Variants in DYNC2LI1 observed in about 807,000 individuals in gnomAD.
DYNC2LI1 encodes dynein cytoplasmic 2 light intermediate chain 1, also known as cytoplasmic dynein 2 light intermediate chain 1.
Under a neutral mutation model 51.9 loss-of-function variants are expected in DYNC2LI1, and 45 were observed. That is an observed-to-expected ratio of 0.87 (90% CI 0.68 to 1.11). The LOEUF is 1.11. Ranked by LOEUF, DYNC2LI1 falls within the 50% of genes most tolerant of loss-of-function variation. The probability of loss-of-function intolerance (pLI) is 0.00; values close to 1 mark genes in which losing one functional copy is unlikely to be tolerated. For synonymous variants in DYNC2LI1, 130 were observed against 137.8 expected, an observed-to-expected ratio of 0.94 and a Z score of 0.40; for missense variants, 490 against 417.4, an observed-to-expected ratio of 1.17 and a Z score of -1.51.
At chr2:43,798,787 G>T (rs539875040) in intron 8 of DYNC2LI1, among the ~76,000 whole-genome samples, 2 of 152,192 alleles carry the variant, frequency 1.3e-5, no homozygotes, top group African/African-American at 4.8e-5. Context: ...GAACCATAAG[G>T]CCTTTCAGGA....
chr2:43,804,826 C>G, intron 11 of DYNC2LI1, 87 bp downstream of exon 11: 1 of 778,808 alleles, frequency 1.3e-6, no homozygotes, highest in Non-Finnish European at 2.0e-6. Flanking sequence ...ATTATGATAA[C>G]TTTGTTTTCA....
chr2:43,813,122 G>A (rs1184078765), downstream of DYNC2LI1: 3 of 1,202,788 alleles, frequency 2.5e-6, no homozygotes, highest in Admixed American at 3.4e-5. Context: ...TTCACTACCT[G>A]CTAATGAGAT....
chr2:43,818,709 G>A, the DYNC2LI1 span, among the ~76,000 whole-genome samples: 9 of 152,124 alleles, frequency 5.9e-5, no homozygotes, highest in Non-Finnish European at 4.4e-5. Context: ...CAATATCATG[G>A]TCTTCGTGTG....
chr2:43,775,103 A>G (rs1445690964), intron 1 of DYNC2LI1, among the ~76,000 whole-genome samples: 1 of 152,250 alleles, frequency 6.6e-6, no homozygotes, highest in Non-Finnish European at 1.5e-5. Context: ...AACTACATAT[A>G]TATTTTAACA....
intron 2 of DYNC2LI1, among the ~76,000 whole-genome samples, chr2:43,780,553 G>C (rs1673229315): frequency 6.6e-6 from 1 of 152,178 alleles, no homozygotes; most frequent in African/African-American, 2.4e-5. Context: ...AGAATAAATA[G>C]CTTCGTTTAA....
At chr2:43,821,208 G>A in the DYNC2LI1 span, among the ~76,000 whole-genome samples, 1 of 152,084 alleles carries the variant, frequency 6.6e-6, no homozygotes, top group Non-Finnish European at 1.5e-5. Context: ...TATCAATGCC[G>A]TTCCTCATTG....
At chr2:43,813,416 C>T (rs1367876610), downstream of DYNC2LI1, 2 of 795,640 alleles carry the variant, frequency 2.5e-6, no homozygotes, top group Non-Finnish European at 4.3e-6. Context: ...AAATACAGGA[C>T]ACTTTAGCAA....
intron 10 of DYNC2LI1, among the ~76,000 whole-genome samples, chr2:43,803,520 A>G (rs1666140975): frequency 6.6e-6 from 1 of 152,184 alleles, no homozygotes; most frequent in East Asian, 1.9e-4. Flanking sequence ...CAGGGATAGA[A>G]CTATGGATGG....
At chr2:43,802,688 C>G (rs1387673576) in intron 10 of DYNC2LI1, among the ~76,000 whole-genome samples, 1 of 152,030 alleles carries the variant, frequency 6.6e-6, no homozygotes, top group Non-Finnish European at 1.5e-5. Context: ...GCGCCTAGAT[C>G]TCATCGGAAT....
chr2:43,783,464 A>G, intron 2 of DYNC2LI1, 56 bp from the exon 3 acceptor site: 1 of 1,303,348 alleles, frequency 7.7e-7, no homozygotes, highest in Non-Finnish European at 1.1e-6. Flanking sequence ...GAACAATAAT[A>G]CAATTTTTAC....
the DYNC2LI1 span, chr2:43,824,827 G>T: frequency 6.3e-7 from 1 of 1,596,634 alleles, no homozygotes; most frequent in African/African-American, 1.3e-5. Flanking sequence ...CATCCAGGCA[G>T]AAGTCTGAGA....
chr2:43,826,861 T>C, the DYNC2LI1 span, among the ~76,000 whole-genome samples: 1 of 152,164 alleles, frequency 6.6e-6, no homozygotes, highest in Non-Finnish European at 1.5e-5. Flanking sequence ...AAAACAAGAC[T>C]GAGAGAAGGC....
chr2:43,806,920 G>A (rs2104721056), intron 12 of DYNC2LI1, among the ~76,000 whole-genome samples: 1 of 152,112 alleles, frequency 6.6e-6, no homozygotes, highest in South Asian at 2.1e-4. Flanking sequence ...TACCTGAAAA[G>A]TTATGCTGTC....
intron 2 of DYNC2LI1, among the ~76,000 whole-genome samples, chr2:43,782,275 A>G (rs1223798989): frequency 6.6e-6 from 1 of 152,114 alleles, no homozygotes; most frequent in Non-Finnish European, 1.5e-5. Context: ...ATACATTTTT[A>G]TATTGTACAA....
Position 43,796,815 on chromosome 2 carries a change from T to C in DYNC2LI1, c.654+20T>C, listed in dbSNP as rs536936160. ...TTAATGGTTTGTACATTTCTTGTCC[T>C]TTGGGCTTGAATGGACAGTACCAAA... On this transcript the variant is annotated intron_variant, in intron 8 of 12. Coordinates refer to ENST00000260605, the MANE Select transcript of DYNC2LI1 (RefSeq NM_016008.4). 3.7e-6 allele frequency: 6 copies of C among 1,604,440 alleles called. No individual in the cohort carries two copies. Among genetic ancestry groups the C allele is most frequent in the Admixed American group, 1.7e-5 (1 of 59,902 alleles).
At chr2:43,811,840 C>G (rs952751701), downstream of DYNC2LI1, among the ~76,000 whole-genome samples, 12 of 152,060 alleles carry the variant, frequency 7.9e-5, no homozygotes, top group African/African-American at 2.7e-4. Flanking sequence ...GTGATCCACC[C>G]GCCTCGGCCT....
the DYNC2LI1 span, chr2:43,824,821 C>T: frequency 6.3e-7 from 1 of 1,592,212 alleles, no homozygotes; most frequent in African/African-American, 1.3e-5. Context: ...TGGTGTCATC[C>T]AGGCAGAAGT....
the DYNC2LI1 span, chr2:43,824,738 A>T: frequency 1.4e-6 from 2 of 1,449,360 alleles, no homozygotes; most frequent in Non-Finnish European, 1.9e-6. Context: ...TGGCAAGTTC[A>T]TTGACCCGGC....
At chr2:43,794,932 C>T (rs1673965342) in intron 6 of DYNC2LI1, 1 of 1,321,238 alleles carries the variant, frequency 7.6e-7, no homozygotes, top group Non-Finnish European at 9.6e-7. Context: ...ATTTTATAAT[C>T]TCTGTAAAAA....
Sources: gnomAD v4.1 joint callset for allele counts (sites outside exome capture counted in the v4.1 genomes callset) on GRCh38, gnomAD v4.1.1 for gene constraint, MANE v1.5 for transcripts, NCBI Gene and HGNC (gene_info 2026-07-23, HGNC 2026-07-21) for gene names.